LRP1B: variants seen among roughly 807,000 people sequenced by gnomAD.
LRP1B encodes the protein LDL receptor related protein 1B.
LRP1B carries 217 observed loss-of-function variants against 556.6 expected under a neutral mutation model. The observed-to-expected ratio is 0.39, with a 90% CI of 0.35 to 0.44. LRP1B has a LOEUF of 0.44. LRP1B is among the 20% of genes least tolerant of loss of function. LRP1B has a pLI of 1.00. For synonymous variants in LRP1B, 2,047 were observed against 1,865.8 expected (o/e 1.10, Z -2.50); for missense variants, 5,053 against 5,620.8 (o/e 0.90, Z 3.23).
chr2:140,343,434 C>T (rs1053984157), intron 77 of LRP1B, among the ~76,000 whole-genome samples: 4 of 151,556 alleles, frequency 2.6e-5, no homozygotes, highest in African/African-American at 9.7e-5. Context: ...TACCCTTATA[C>T]TTGAAGATGA....
chr2:141,889,950 C>A (rs1226640281), intron 1 of LRP1B, among the ~76,000 whole-genome samples: 1 of 152,044 alleles, frequency 6.6e-6, no homozygotes, highest in African/African-American at 2.4e-5. Context: ...CACACTGTGA[C>A]AATGCCATTA....
chr2:141,106,983 G>A lies in LRP1B; in HGVS notation c.1014-44710C>T, dbSNP rs1220019189. On this transcript the variant is annotated intron_variant, in intron 7 of 90. Coordinates refer to ENST00000389484, the MANE Select transcript of LRP1B (RefSeq NM_018557.3). ...GTGATATATGCAAGATAAACTAATT[G>A]TTTTTTTTTTCTTTGCATTGGTATT... Among the ~76,000 whole-genome samples, 4 of 147,916 alleles carry A rather than the reference G, an allele frequency of 2.7e-5. No individual in the cohort carries two copies. The East Asian group carries it at 7.9e-4, about 29-fold the overall frequency.
intron 2 of LRP1B, among the ~76,000 whole-genome samples, chr2:141,771,631 A>T (rs188050278): frequency 3.3e-5 from 5 of 152,114 alleles, no homozygotes; most frequent in African/African-American, 1.2e-4. Context: ...ATTGCTATGA[A>T]CTGAATGTTT....
At chr2:141,160,375 C>T (rs1679962786) in intron 7 of LRP1B, among the ~76,000 whole-genome samples, 1 of 152,006 alleles carries the variant, frequency 6.6e-6, no homozygotes, top group African/African-American at 2.4e-5. Flanking sequence ...CATGAATTTA[C>T]CATAGTTACA....
chr2:140,360,036 C>T (rs1682434412), intron 72 of LRP1B, among the ~76,000 whole-genome samples: 1 of 151,552 alleles, frequency 6.6e-6, no homozygotes, highest in East Asian at 1.9e-4. Context: ...TGATCTTTTA[C>T]AGAGAGATAT....
chr2:141,528,579 C>T (rs1422663931), intron 2 of LRP1B, among the ~76,000 whole-genome samples: 2 of 152,010 alleles, frequency 1.3e-5, no homozygotes, highest in Non-Finnish European at 2.9e-5. Flanking sequence ...AAAATATATA[C>T]ACATATATAG....
intron 66 of LRP1B, among the ~76,000 whole-genome samples, chr2:140,432,881 T>C (rs1369205780): frequency 6.6e-6 from 1 of 152,154 alleles, no homozygotes; most frequent in African/African-American, 2.4e-5. Flanking sequence ...CTCTTTTTTG[T>C]AGTTGGGATT....
At chr2:140,931,167 T>C (rs1695037177) in intron 20 of LRP1B, among the ~76,000 whole-genome samples, 1 of 152,164 alleles carries the variant, frequency 6.6e-6, no homozygotes, top group Non-Finnish European at 1.5e-5. Context: ...TGATCTCTGC[T>C]GTGAACTAAC....
chr2:141,247,069 G>T (rs2105326383), intron 5 of LRP1B, among the ~76,000 whole-genome samples, 157 bp downstream of exon 5: 1 of 152,326 alleles, frequency 6.6e-6, no homozygotes, highest in East Asian at 1.9e-4. Context: ...TGAAAGAATT[G>T]CTCTGGATTC....
chr2:140,708,693 C>T (rs1029111337), intron 37 of LRP1B, among the ~76,000 whole-genome samples: 2 of 151,628 alleles, frequency 1.3e-5, no homozygotes, highest in Admixed American at 6.6e-5. Flanking sequence ...TTATAATTTT[C>T]TTGAATAGTC....
chr2:142,025,434 A>C (rs944153958), intron 1 of LRP1B, among the ~76,000 whole-genome samples: 2 of 152,170 alleles, frequency 1.3e-5, no homozygotes, highest in African/African-American at 4.8e-5. Flanking sequence ...ATTTAGAAAT[A>C]AGGAGACTAA....
At chr2:141,410,332 C>A (rs1381882099) in intron 3 of LRP1B, among the ~76,000 whole-genome samples, 1 of 151,988 alleles carries the variant, frequency 6.6e-6, no homozygotes, top group Non-Finnish European at 1.5e-5. Context: ...GAAAACAAAA[C>A]CACCAAAGTA....
At chr2:141,508,054 C>T (rs1221128402) in intron 2 of LRP1B, among the ~76,000 whole-genome samples, 2 of 149,526 alleles carry the variant, frequency 1.3e-5, no homozygotes, top group Non-Finnish European at 3.0e-5. Flanking sequence ...CCACTGCATT[C>T]CAGTCTGGAT....
At chr2:141,185,434 T>G (rs968249407) in intron 7 of LRP1B, among the ~76,000 whole-genome samples, 7 of 152,136 alleles carry the variant, frequency 4.6e-5, no homozygotes, top group Admixed American at 3.9e-4. Flanking sequence ...CGGAAAGTTT[T>G]CCAAGGAACT....
intron 2 of LRP1B, among the ~76,000 whole-genome samples, chr2:141,796,035 A>T (rs1208938419): frequency 1.3e-5 from 2 of 151,218 alleles, no homozygotes; most frequent in Admixed American, 1.3e-4. Flanking sequence ...GCTACTTAAT[A>T]GTATATTATT....
At chr2:141,916,650 A>G (rs554556257) in intron 1 of LRP1B, among the ~76,000 whole-genome samples, 1 of 150,964 alleles carries the variant, frequency 6.6e-6, no homozygotes, top group East Asian at 2.0e-4. Flanking sequence ...CCAAAGTGCT[A>G]GGATTACAGG....
At chr2:141,515,438 T>C (rs1559115338) in intron 2 of LRP1B, among the ~76,000 whole-genome samples, 1 of 152,048 alleles carries the variant, frequency 6.6e-6, no homozygotes, top group African/African-American at 2.4e-5. Flanking sequence ...CAAGACCAAA[T>C]TAGAAAGCAA....
intron 1 of LRP1B, among the ~76,000 whole-genome samples, chr2:142,126,069 T>C (rs1707639779): frequency 6.6e-6 from 1 of 151,904 alleles, no homozygotes; most frequent in Non-Finnish European, 1.5e-5. Context: ...TCTTTAGCAT[T>C]CTGCTACTAA....
intron 3 of LRP1B, among the ~76,000 whole-genome samples, chr2:141,337,520 T>C (rs540157896): frequency 1.5e-3 from 228 of 152,316 alleles, no homozygotes; most frequent in Non-Finnish European, 2.9e-3. Context: ...TTTTATACTG[T>C]TAACAGTCTA....
Sources: gnomAD v4.1 joint callset for allele counts (sites outside exome capture counted in the v4.1 genomes callset) on GRCh38, gnomAD v4.1.1 for gene constraint, MANE v1.5 for transcripts, NCBI Gene and HGNC (gene_info 2026-07-23, HGNC 2026-07-21) for gene names.